CDKL5: variants seen among roughly 807,000 people sequenced by gnomAD.
The protein encoded by CDKL5 is cyclin-dependent kinase-like 5.
CDKL5 carries 8 observed loss-of-function variants against 61.7 expected under a neutral mutation model. That is an observed-to-expected ratio of 0.13 (90% CI 0.08 to 0.23). The LOEUF (loss-of-function observed/expected upper bound fraction) is 0.23. CDKL5 is among the 10% of genes least tolerant of loss of function. The pLI, the probability that CDKL5 is intolerant of heterozygous loss-of-function variation, is 1.00. For missense variants in CDKL5, 440 were observed against 734.5 expected (o/e 0.60, Z 4.63); for synonymous variants, 275 against 272.3 (o/e 1.01, Z -0.10).
At chrX:18,579,065 G>A (rs1219538447) in intron 5 of CDKL5, among the ~76,000 whole-genome samples, 1 of 111,206 alleles carries the variant, frequency 9.0e-6, no homozygotes, top group Non-Finnish European at 1.9e-5. Context: ...CCCTCCGCAA[G>A]ATCTGAGACC....
Position 18,633,150 on chromosome X carries a change from C to G in CDKL5, c.*4393C>G, listed in dbSNP as rs904706895. On this transcript the variant is annotated 3_prime_UTR_variant, in exon 18 of 18. Coordinates refer to ENST00000623535, the MANE Select transcript of CDKL5 (RefSeq NM_001323289.2). ...AGCATTGCTTTTCTATCTAGAAGTT[C>G]GTTACCTCCTGCATGATAGTGGGAT... is the stretch of plus-strand genomic sequence containing the variant. 4 of 751,770 alleles carry G rather than the reference C, an allele frequency of 5.3e-6. No individual in the cohort carries two copies. The highest frequency in any genetic ancestry group is 2.3e-5 in the African/African-American group (1 of 43,062). The allele number at this position is 751,770 out of a possible 1,213,427, so 62.0% of individuals were successfully genotyped here.
intron 1 of CDKL5, among the ~76,000 whole-genome samples, chrX:18,467,535 A>T (rs894199416): frequency 9.0e-6 from 1 of 111,469 alleles, no homozygotes; most frequent in Non-Finnish European, 1.9e-5. Flanking sequence ...ATTGAAGTTA[A>T]TAGGGGTTCA....
chrX:18,553,982 A>G lies in CDKL5; in HGVS notation c.100-10495A>G, dbSNP rs192131949. Among the ~76,000 whole-genome samples, 311 of 111,060 alleles carry G rather than the reference A, an allele frequency of 2.8e-3. 1 individual carries two copies. The highest frequency in any genetic ancestry group is 3.8e-3 in the Non-Finnish European group (204 of 53,023). On this transcript the variant is annotated intron_variant, in intron 3 of 17. Coordinates refer to ENST00000623535, the MANE Select transcript of CDKL5 (RefSeq NM_001323289.2). Reference sequence around the variant, plus strand: ...TTAATTCTAATTTTGAGCAGGTTAGAGTTTACATCAATGTTTCCTGTAATA... The same window carrying G: ...TTAATTCTAATTTTGAGCAGGTTAGGGTTTACATCAATGTTTCCTGTAATA...
At chrX:18,509,054 T>C (rs1239020038) in intron 2 of CDKL5, among the ~76,000 whole-genome samples, 1 of 106,415 alleles carries the variant, frequency 9.4e-6, no homozygotes, top group Admixed American at 1.0e-4. Flanking sequence ...CTTGTGCCAC[T>C]GCACTCCAGC....
At chrX:18,456,334 G>T (rs955592819) in intron 1 of CDKL5, among the ~76,000 whole-genome samples, 1 of 111,354 alleles carries the variant, frequency 9.0e-6, no homozygotes, top group Non-Finnish European at 1.9e-5. Flanking sequence ...CACCGCGCCC[G>T]CCCGTCACAA....
At chrX:18,496,595 G>A (rs975358938) in intron 1 of CDKL5, among the ~76,000 whole-genome samples, 15 of 111,845 alleles carry the variant, frequency 1.3e-4, no homozygotes, top group Admixed American at 3.8e-4. Flanking sequence ...TGTTGGCCCC[G>A]TGACAGTTAT....
chrX:18,481,250 A>G (rs762885775), intron 1 of CDKL5, among the ~76,000 whole-genome samples: 1 of 108,209 alleles, frequency 9.2e-6, no homozygotes. Flanking sequence ...GCACTAGAAT[A>G]TGCTCCAGGC....
At chrX:18,474,285 G>A (rs1273109310) in intron 1 of CDKL5, among the ~76,000 whole-genome samples, 2 of 111,584 alleles carry the variant, frequency 1.8e-5, no homozygotes, top group Non-Finnish European at 3.8e-5. Flanking sequence ...GATTATTCAT[G>A]GTATAGTATG....
At chrX:18,648,254 TTTC>T (rs1233316354) in intron 20 of CDKL5, among the ~76,000 whole-genome samples, 1 of 110,459 alleles carries the variant, frequency 9.1e-6, no homozygotes, top group East Asian at 2.9e-4. Context: ...TCCTTTTTTT[TTTC>T]TTTTGAGACA....
At chrX:18,644,607 C>T (rs768571577), downstream of CDKL5, 1 of 1,211,545 alleles carries the variant, frequency 8.3e-7, no homozygotes, top group South Asian at 1.8e-5. Flanking sequence ...TGTCCTGGAA[C>T]TTGGAGAGCC....
intron 1 of CDKL5, among the ~76,000 whole-genome samples, chrX:18,458,059 T>A (rs910328113): frequency 2.4e-4 from 26 of 106,967 alleles, no homozygotes; most frequent in Non-Finnish European, 4.8e-4. Flanking sequence ...TAGCTGGGAT[T>A]ACAGGCATGC....
intron 3 of CDKL5, among the ~76,000 whole-genome samples, chrX:18,525,131 G>A (rs767157437): frequency 1.8e-5 from 2 of 111,068 alleles, no homozygotes; most frequent in African/African-American, 3.3e-5. Context: ...ATGGAGTCTC[G>A]CTCTGTCACC....
chrX:18,586,355 A>G (rs997967853), intron 8 of CDKL5, among the ~76,000 whole-genome samples: 1 of 111,765 alleles, frequency 8.9e-6, no homozygotes, highest in Non-Finnish European at 1.9e-5. Context: ...GATCATTCTT[A>G]GAACCCCATC....
At chrX:18,530,346 A>G (rs780716487) in intron 3 of CDKL5, among the ~76,000 whole-genome samples, 1 of 109,535 alleles carries the variant, frequency 9.1e-6, no homozygotes, top group East Asian at 2.8e-4. Flanking sequence ...AAAAAAAAAA[A>G]AAAAAAGAAA....
Position 18,604,786 on chromosome X carries a change from G to A in CDKL5, c.1862G>A (p.Arg621Lys). ...HSMYVTRDKV[R>K]AKGLDGSLSI... is the part of the protein sequence containing the mutation. Reference sequence around the variant, plus strand: ...ATGTATGTGACCCGTGACAAAGTGAGAGCCAAGGGCTTGGATGGAAGCTTG... The same window carrying A: ...ATGTATGTGACCCGTGACAAAGTGAAAGCCAAGGGCTTGGATGGAAGCTTG... Residue 621 changes from arginine to lysine, a missense_variant, in exon 12 of 18, where the codon AGA becomes AAA. By Grantham distance (26) the Arg-to-Lys change is conservative. Around this residue, in one of 2 missense-constraint regions of CDKL5, gnomAD observed 363 missense variants for 516.3 expected, o/e 0.70. Coordinates refer to ENST00000623535, the MANE Select transcript of CDKL5 (RefSeq NM_001323289.2). 4.1e-6 allele frequency: 5 copies of A among 1,211,692 alleles called. No homozygotes were observed. The highest frequency in any genetic ancestry group is 5.6e-6 in the Non-Finnish European group (5 of 895,400).
intron 3 of CDKL5, among the ~76,000 whole-genome samples, chrX:18,554,667 C>T (rs1187026619): frequency 1.8e-5 from 2 of 110,854 alleles, no homozygotes; most frequent in African/African-American, 3.3e-5. Context: ...CCGTCCGCTT[C>T]GGCCTCCCAA....
In CDKL5 at chrX:18,628,772, G is replaced by T; in HGVS notation, c.*15G>T. 1 of 1,107,066 alleles carries T rather than the reference G, an allele frequency of 9.0e-7. No individual in the cohort carries two copies. Among genetic ancestry groups the T allele is most frequent in the Non-Finnish European group, 1.2e-6 (1 of 847,566 alleles). The allele number at this position is 1,107,066 out of a possible 1,213,427, so 91.2% of individuals were successfully genotyped here. A position where few individuals can be genotyped will look rare whatever the true frequency, so the allele number is the denominator to read the frequency against. ...CAGCCTTGTAATTTGTGCTGGTAGG[G>T]GGGAGGGGTGGACAGACAAGCCAGT... On this transcript the variant is annotated 3_prime_UTR_variant, in exon 18 of 18. Coordinates refer to ENST00000623535, the MANE Select transcript of CDKL5 (RefSeq NM_001323289.2).
chrX:18,525,391 G>A (rs1182237912), intron 3 of CDKL5, among the ~76,000 whole-genome samples: 1 of 110,948 alleles, frequency 9.0e-6, no homozygotes, highest in Non-Finnish European at 1.9e-5. Context: ...GAGCCACCGC[G>A]CCCAGCCTAA....
intron 7 of CDKL5, 72 bp from the exon 8 acceptor site, chrX:18,584,191 C>T: frequency 1.5e-6 from 1 of 647,669 alleles, no homozygotes. Context: ...ATTACTAGCG[C>T]TGAAATATTT....
Sources: allele counts gnomAD v4.1 joint callset (sites outside exome capture counted in the v4.1 genomes callset), GRCh38; gene constraint gnomAD v4.1.1; regional missense constraint gnomAD v4.1.1; transcripts MANE v1.5; gene names NCBI Gene and HGNC (gene_info 2026-07-23, HGNC 2026-07-21).